MICALL1: variants seen among roughly 807,000 people sequenced by gnomAD.
MICALL1 encodes the protein MICAL-like protein 1.
In MICALL1, 61 loss-of-function variants were observed where a neutral mutation model predicts 83.7. That is an observed-to-expected ratio of 0.73 (90% confidence interval 0.59 to 0.90). The LOEUF (loss-of-function observed/expected upper bound fraction) is 0.90, where lower values mean the gene tolerates loss of function less well. MICALL1 is among the 40% of genes least tolerant of loss of function. MICALL1 has a pLI of 0.00. For synonymous variants in MICALL1, 481 were observed against 473.6 expected, an observed-to-expected ratio of 1.02 and a Z score of -0.20; for missense variants, 1,066 against 1,152.0, an observed-to-expected ratio of 0.93 and a Z score of 1.08.
At chr22:37,940,084 C>CA (rs1239988771) in intron 15 of MICALL1, among the ~76,000 whole-genome samples, 2 of 149,912 alleles carry the variant, frequency 1.3e-5, no homozygotes, top group South Asian at 4.2e-4. Context: ...GACTCTGTCT[C>CA]AAAAAAAAGA....
chr22:37,922,593 A>ATG (rs1929127687), intron 6 of MICALL1, among the ~76,000 whole-genome samples, 167 bp downstream of exon 6: 1 of 81,856 alleles, frequency 1.2e-5, no homozygotes, highest in Non-Finnish European at 2.5e-5. Context: ...ATATATATAT[A>ATG]TATATATATT....
At chr22:37,936,997 C>A in intron 13 of MICALL1, 83 bp from the exon 14 acceptor site, 1 of 1,172,680 alleles carries the variant, frequency 8.5e-7, no homozygotes, top group Non-Finnish European at 1.2e-6. Context: ...TGGCCTGCCG[C>A]ACTTAGGCAG....
At chr22:37,921,861 G>C in intron 5 of MICALL1, 111 bp from the exon 6 acceptor site, 5 of 1,018,684 alleles carry the variant, frequency 4.9e-6, no homozygotes, top group Non-Finnish European at 7.1e-6. Flanking sequence ...GAGCTTGGCT[G>C]GCAGTTGGGA....
At chr22:37,910,899 T>G (rs1208779092) in intron 1 of MICALL1, among the ~76,000 whole-genome samples, 1 of 152,190 alleles carries the variant, frequency 6.6e-6, no homozygotes, top group Non-Finnish European at 1.5e-5. Flanking sequence ...CCCAACCCCA[T>G]GGTCACATGG....
chr22:37,908,352 G>A (rs1056480859), intron 1 of MICALL1, among the ~76,000 whole-genome samples: 37 of 151,018 alleles, frequency 2.5e-4, no homozygotes, highest in African/African-American at 9.0e-4. Flanking sequence ...CCAGGCTGGA[G>A]TGCAGTGGCA....
At chr22:37,914,614 C>T (rs6000938) in intron 3 of MICALL1, among the ~76,000 whole-genome samples, 14 of 151,676 alleles carry the variant, frequency 9.2e-5, no homozygotes, top group East Asian at 3.9e-4. Flanking sequence ...TATGCGTGCG[C>T]GCACACACAC....
chr22:37,931,418 G>A (rs187280639), intron 9 of MICALL1, among the ~76,000 whole-genome samples: 40 of 152,204 alleles, frequency 2.6e-4, no homozygotes, highest in Admixed American at 4.6e-4. Context: ...GCCAGGCGTG[G>A]TGGTGCAAGC....
chr22:37,923,517 A>G (rs1032320738), intron 6 of MICALL1, among the ~76,000 whole-genome samples: 2 of 152,146 alleles, frequency 1.3e-5, no homozygotes, highest in African/African-American at 4.8e-5. Flanking sequence ...CTGAGCCACC[A>G]TGCCTGGCCT....
At position 37,924,690 on chromosome 22, in the gene MICALL1, C is replaced by T. The variant is rs749865880; in HGVS notation, c.1055C>T (p.Pro352Leu). ...GRLHELPVPK[P>L]RGTPKPSEGT... ...CTGCACGAACTGCCTGTCCCCAAGC[C>T]GAGGGGGACACCGAAGCCGTCCGAG... is the stretch of plus-strand genomic sequence containing the variant. The change falls in exon 7 of 16, where the codon CCG becomes CTG. Residue 352 changes from proline to leucine, a missense_variant. By Grantham distance (98) the Pro-to-Leu change is moderately conservative. Coordinates refer to ENST00000215957, the MANE Select transcript of MICALL1 (RefSeq NM_033386.4). The surrounding 1 kb of genome is among the most constrained non-coding windows in gnomAD (Gnocchi z 5.2). 37 of 1,612,248 alleles carry T rather than the reference C, an allele frequency of 2.3e-5. No individual in the cohort carries two copies. The South Asian group carries it at 2.3e-4, about 10-fold the overall frequency.
intron 15 of MICALL1, among the ~76,000 whole-genome samples, chr22:37,940,415 A>C (rs1200959441): frequency 1.3e-5 from 2 of 151,792 alleles, no homozygotes; most frequent in African/African-American, 4.8e-5. Context: ...AAAGCGACTC[A>C]GTCTCAAAAA....
chr22:37,918,172 G>A (rs1332783011), intron 4 of MICALL1, among the ~76,000 whole-genome samples: 1 of 152,218 alleles, frequency 6.6e-6, no homozygotes, highest in Non-Finnish European at 1.5e-5. Flanking sequence ...TGTGGAGACA[G>A]CTGTAAACTT....
intron 4 of MICALL1, 132 bp downstream of exon 4, chr22:37,917,927 T>C: frequency 1.3e-6 from 1 of 782,614 alleles, no homozygotes; most frequent in Non-Finnish European, 2.1e-6. Flanking sequence ...TTGTTCTCTG[T>C]CCCTGCCCTA....
chr22:37,921,851 G>T, intron 5 of MICALL1, 121 bp from the exon 6 acceptor site: 1 of 899,194 alleles, frequency 1.1e-6, no homozygotes, highest in Admixed American at 2.6e-5. Flanking sequence ...GTATGGAGTC[G>T]AGCTTGGCTG....
intron 6 of MICALL1, among the ~76,000 whole-genome samples, chr22:37,922,796 G>GTTTTTTTTTTTTTTTT (rs574266914): frequency 5.5e-4 from 38 of 69,150 alleles, no homozygotes; most frequent in South Asian, 1.6e-3. Context: ...GTTTTTTTTT[G>GTTTTTTTTTTTTTTTT]TTTTTTTTTT....
intron 13 of MICALL1, 25 bp downstream of exon 13, chr22:37,933,137 C>T (rs777720177): frequency 1.9e-6 from 3 of 1,611,492 alleles, no homozygotes; most frequent in East Asian, 2.2e-5. Flanking sequence ...TGGCACTCCC[C>T]TGGCACCTGC....
chr22:37,940,056 T>G (rs1930348684), intron 15 of MICALL1, among the ~76,000 whole-genome samples: 1 of 151,924 alleles, frequency 6.6e-6, no homozygotes, highest in African/African-American at 2.4e-5. Flanking sequence ...ACCATTGCAC[T>G]CCAGCCTGGG....
At chr22:37,917,841 C>A (rs185688732) in intron 4 of MICALL1, 46 bp downstream of exon 4, 92 of 1,530,386 alleles carry the variant, frequency 6.0e-5, no homozygotes, top group Non-Finnish European at 7.9e-5. Context: ...GTGGAGGGGG[C>A]GAGTTATGTG....
chr22:37,936,965 T>G, intron 13 of MICALL1, 115 bp from the exon 14 acceptor site: 2 of 761,842 alleles, frequency 2.6e-6, no homozygotes, highest in Non-Finnish European at 4.2e-6. Flanking sequence ...CTTAGTTTCT[T>G]GCATGGTATT....
In MICALL1 at chr22:37,919,101, C is replaced by G; in HGVS notation, c.492C>G (p.Cys164Trp). 6.4e-7 allele frequency: 1 copy of G among 1,551,814 alleles called. No individual in the cohort carries two copies. Among genetic ancestry groups the G allele is most frequent in the Non-Finnish European group, 8.7e-7 (1 of 1,147,552 alleles). The change falls in exon 5 of 16, where the codon TGC becomes TGG. Residue 164 changes from cysteine (C) to tryptophan (W), a missense_variant. Transcript: ENST00000215957. ...CCGGCCAGACCCCCAGCAGCACGTG[C>G]GCAGCCTGCCAGCAGCATGTGCACT... ...QGTGQTPSST[C>W]AACQQHVHLV...
Sources: allele counts gnomAD v4.1 joint callset (sites outside exome capture counted in the v4.1 genomes callset), GRCh38; gene constraint gnomAD v4.1.1; non-coding constraint Gnocchi (gnomAD v3.1); transcripts MANE v1.5; gene names NCBI Gene and HGNC (gene_info 2026-07-23, HGNC 2026-07-21).